The following ULK4 variants were observed in gnomAD, a reference collection of about 807,000 sequenced individuals.
The protein encoded by ULK4 is inactive serine/threonine-protein kinase ULK4.
A neutral mutation model predicts 160.6 loss-of-function variants in ULK4; 133 were observed. The observed-to-expected ratio is 0.83, with a 90% CI of 0.72 to 0.96. ULK4 has a LOEUF of 0.96. Ranked by LOEUF, ULK4 falls within the 40% of genes least tolerant of loss-of-function variation. The pLI, the probability that ULK4 is intolerant of heterozygous loss-of-function variation, is 0.00. For missense variants in ULK4, 1,580 were observed against 1,499.5 expected (o/e 1.05, Z -0.89); for synonymous variants, 534 against 539.8 (o/e 0.99, Z 0.15).
chr3:41,716,518 G>A (rs1366171339), intron 23 of ULK4, among the ~76,000 whole-genome samples: 4 of 152,188 alleles, frequency 2.6e-5, no homozygotes, highest in African/African-American at 7.2e-5. Context: ...ATTTTGAGAG[G>A]CTCTATTTTC....
chr3:41,281,857 A>G (rs1301722967), intron 35 of ULK4, among the ~76,000 whole-genome samples: 2 of 152,256 alleles, frequency 1.3e-5, no homozygotes, highest in African/African-American at 4.8e-5. Context: ...GAGGAAGTCA[A>G]ATTGTTCCTG....
chr3:41,344,415 G>A (rs900495549), intron 35 of ULK4, among the ~76,000 whole-genome samples: 3 of 152,084 alleles, frequency 2.0e-5, no homozygotes, highest in African/African-American at 7.2e-5. Context: ...ACATAGGCAT[G>A]GGCAAAGATT....
Position 41,322,463 on chromosome 3 carries a change from G to A in ULK4, c.3679-72889C>T, listed in dbSNP as rs543423850. Among the ~76,000 whole-genome samples the A allele has an allele frequency of 1.4e-4, 21 of 152,204 alleles. No individual in the cohort carries two copies. The South Asian group carries it at 1.9e-3, about 14-fold the overall frequency. On this transcript the variant is annotated intron_variant, in intron 35 of 36. Transcript: ENST00000301831. ...GGTTGCTGTAGACCCGTATGGATTC[G>A]CTGCTGCTAACAATTTGACCCACAT...
chr3:41,373,949 G>A (rs890469604), intron 35 of ULK4, among the ~76,000 whole-genome samples: 2 of 152,108 alleles, frequency 1.3e-5, no homozygotes, highest in Non-Finnish European at 2.9e-5. Flanking sequence ...AAATGATAAA[G>A]GGCATATCAC....
At chr3:41,843,448 G>A (rs1324564774) in intron 17 of ULK4, among the ~76,000 whole-genome samples, 1 of 152,150 alleles carries the variant, frequency 6.6e-6, no homozygotes. Flanking sequence ...TCGGGAGTTT[G>A]TTCCTTCTGA....
intron 32 of ULK4, among the ~76,000 whole-genome samples, chr3:41,472,414 C>T (rs535907183): frequency 2.0e-5 from 3 of 151,858 alleles, no homozygotes; most frequent in African/African-American, 7.2e-5. Flanking sequence ...AATAAAAATA[C>T]AAAAATTAGC....
chr3:41,710,372 C>T (rs1356893617), intron 25 of ULK4, among the ~76,000 whole-genome samples: 1 of 152,068 alleles, frequency 6.6e-6, no homozygotes, highest in Admixed American at 6.6e-5. Flanking sequence ...AACATATAGT[C>T]ATTGGCTGAT....
In ULK4 at chr3:41,938,238, A is replaced by G. The variant is rs145208973; in HGVS notation, c.139-41T>C. 778 of 1,528,022 alleles carry G rather than the reference A, an allele frequency of 5.1e-4. 6 individuals carry two copies. In the East Asian group the frequency reaches 0.017, roughly 33 times the overall value. 94.7% of individuals were successfully genotyped at this position (1,528,022 alleles called of 1,614,324 possible). A position where few individuals can be genotyped will look rare whatever the true frequency, so the allele number is the denominator to read the frequency against. ...GCAATCACTCTAAAAAGAAATTCCT[A>G]AAACTCTTACATCTACTGAGAAAAA... On this transcript the variant is annotated intron_variant, in intron 2 of 36. Coordinates refer to ENST00000301831, the MANE Select transcript of ULK4 (RefSeq NM_017886.4).
intron 35 of ULK4, among the ~76,000 whole-genome samples, chr3:41,347,856 C>T (rs17056052): frequency 1.5e-3 from 225 of 152,044 alleles, no homozygotes; most frequent in African/African-American, 4.8e-3. Context: ...TACTTGTATG[C>T]GCAATAAGGT....
At chr3:41,446,078 A>G (rs180971782) in intron 34 of ULK4, among the ~76,000 whole-genome samples, 6,250 of 152,330 alleles carry the variant, frequency 0.041, 184 homozygotes, top group South Asian at 0.066. Flanking sequence ...ATGAACAGAC[A>G]CTTCTCAAAA....
At chr3:41,938,783 A>G in intron 2 of ULK4, among the ~76,000 whole-genome samples, 1 of 152,218 alleles carries the variant, frequency 6.6e-6, no homozygotes, top group Non-Finnish European at 1.5e-5. Flanking sequence ...AAAAACGACC[A>G]GAGGATATTC....
intron 16 of ULK4, among the ~76,000 whole-genome samples, chr3:41,889,700 AAGAG>A (rs1282951370): frequency 3.3e-5 from 5 of 152,212 alleles, no homozygotes; most frequent in African/African-American, 4.8e-5. Context: ...AAGTATAAGA[AAGAG>A]AGTTTGGCAG....
intron 32 of ULK4, among the ~76,000 whole-genome samples, chr3:41,489,929 G>A (rs1381661453): frequency 6.6e-6 from 1 of 152,090 alleles, no homozygotes; most frequent in African/African-American, 2.4e-5. Context: ...TTATTTACCT[G>A]ATTCAGAGGA....
Position 41,292,952 on chromosome 3 carries a change from AAAAAAAT to A in ULK4, c.3679-43385_3679-43379del, listed in dbSNP as rs1388285449. On this transcript the variant is annotated intron_variant, in intron 35 of 36. Coordinates refer to ENST00000301831, the MANE Select transcript of ULK4 (RefSeq NM_017886.4). ...GAGCAAGACACCGTCTCAAAAAAAT[AAAAAAAT>A]AAAAAATAAAAAATTAGTCAGGTGT... 2.0e-5 allele frequency among the ~76,000 whole-genome samples: 3 copies of A among 151,896 alleles called. No individual in the cohort carries two copies. The East Asian group carries it at 5.8e-4, about 29-fold the overall frequency.
chr3:41,911,026 A>G (rs1698765398), intron 11 of ULK4, among the ~76,000 whole-genome samples: 1 of 152,248 alleles, frequency 6.6e-6, no homozygotes, highest in South Asian at 2.1e-4. Context: ...ATTTTAAGTT[A>G]AAGAACAAAA....
chr3:41,354,728 C>G (rs1212271575), intron 35 of ULK4, among the ~76,000 whole-genome samples: 1 of 152,150 alleles, frequency 6.6e-6, no homozygotes, highest in Non-Finnish European at 1.5e-5. Flanking sequence ...GCAAACTCTG[C>G]TAGTTTCAAG....
At chr3:41,885,341 C>T (rs1290838984) in intron 16 of ULK4, among the ~76,000 whole-genome samples, 7 of 152,186 alleles carry the variant, frequency 4.6e-5, no homozygotes, top group Non-Finnish European at 1.0e-4. Context: ...AAACCTTATA[C>T]TTTTAAAATA....
intron 35 of ULK4, among the ~76,000 whole-genome samples, chr3:41,347,927 A>G (rs1168215373): frequency 6.6e-6 from 1 of 152,090 alleles, no homozygotes; most frequent in East Asian, 1.9e-4. Flanking sequence ...TACATGGACC[A>G]CTAGGCACAG....
intron 34 of ULK4, among the ~76,000 whole-genome samples, chr3:41,431,517 A>G (rs564664083): frequency 1.4e-5 from 2 of 139,436 alleles, no homozygotes; most frequent in African/African-American, 2.7e-5. Context: ...AGCCTTCTCA[A>G]CAATCCTGTG....
Sources: allele counts gnomAD v4.1 joint callset (sites outside exome capture counted in the v4.1 genomes callset), GRCh38; gene constraint gnomAD v4.1.1; transcripts MANE v1.5; gene names NCBI Gene and HGNC (gene_info 2026-07-23, HGNC 2026-07-21).